The following LMTK2 variants were observed in gnomAD, a reference collection of about 807,000 sequenced individuals.
LMTK2 encodes lemur tail kinase 2, also known as serine/threonine-protein kinase LMTK2.
Under a neutral mutation model 127.5 loss-of-function variants are expected in LMTK2, and 37 were observed. The observed-to-expected ratio is 0.29, with a 90% CI of 0.22 to 0.38. LMTK2 has a LOEUF of 0.38. Among genes scored for constraint, LMTK2 ranks in the 10% least tolerant of loss-of-function variants. The probability of loss-of-function intolerance (pLI) is 1.00; values close to 1 mark genes in which losing one functional copy is unlikely to be tolerated. For synonymous variants in LMTK2, 819 were observed against 810.1 expected, an observed-to-expected ratio of 1.01 and a Z score of -0.19; for missense variants, 1,694 against 1,920.3, an observed-to-expected ratio of 0.88 and a Z score of 2.20.
intron 1 of LMTK2, among the ~76,000 whole-genome samples, chr7:98,125,785 C>T (rs1347579359): frequency 6.6e-6 from 1 of 152,154 alleles, no homozygotes; most frequent in Non-Finnish European, 1.5e-5. Context: ...ACTGTTGTAA[C>T]CAGTTTCTGA....
At chr7:98,202,523 C>A (rs1008337062) in intron 11 of LMTK2, among the ~76,000 whole-genome samples, 2 of 152,144 alleles carry the variant, frequency 1.3e-5, no homozygotes, top group African/African-American at 4.8e-5. Flanking sequence ...GCAGTCTGTG[C>A]CATGTGTAAA....
intron 1 of LMTK2, among the ~76,000 whole-genome samples, chr7:98,129,562 C>T (rs1158961533): frequency 6.6e-6 from 1 of 151,750 alleles, no homozygotes; most frequent in Non-Finnish European, 1.5e-5. Flanking sequence ...GATGATGTCT[C>T]ACTATGTTGC....
At chr7:98,135,371 G>A (rs1796582300) in intron 1 of LMTK2, among the ~76,000 whole-genome samples, 1 of 152,038 alleles carries the variant, frequency 6.6e-6, no homozygotes, top group Non-Finnish European at 1.5e-5. Flanking sequence ...GGAGTGCAGT[G>A]ATGTGCTCAC....
intron 9 of LMTK2, among the ~76,000 whole-genome samples, chr7:98,189,512 G>A (rs1238671711): frequency 1.3e-5 from 2 of 152,192 alleles, no homozygotes; most frequent in African/African-American, 2.4e-5. Flanking sequence ...GCCACACCTG[G>A]ATCTACCAAC....
chr7:98,120,524 A>C (rs1339755668), intron 1 of LMTK2, among the ~76,000 whole-genome samples: 2 of 152,204 alleles, frequency 1.3e-5, no homozygotes, highest in South Asian at 4.1e-4. Flanking sequence ...TTACTGCAAA[A>C]CTAAAGTGTT....
chr7:98,127,849 A>G (rs2116342087), intron 1 of LMTK2, among the ~76,000 whole-genome samples: 1 of 152,220 alleles, frequency 6.6e-6, no homozygotes, highest in East Asian at 1.9e-4. Flanking sequence ...ACACTTAAAA[A>G]TAAAAAATTA....
At chr7:98,175,555 G>C (rs73151148) in intron 7 of LMTK2, among the ~76,000 whole-genome samples, 55 of 152,350 alleles carry the variant, frequency 3.6e-4, no homozygotes, top group Non-Finnish European at 6.3e-4. Context: ...TTGCACCTCA[G>C]CTTAGGCTGG....
chr7:98,112,070 A>T (rs1338400624), intron 1 of LMTK2, among the ~76,000 whole-genome samples: 3 of 152,364 alleles, frequency 2.0e-5, no homozygotes, highest in Admixed American at 6.5e-5. Flanking sequence ...TCTTGATCTT[A>T]AACACAATTG....
intron 7 of LMTK2, among the ~76,000 whole-genome samples, chr7:98,174,330 A>C (rs1797244123): frequency 6.6e-6 from 1 of 152,194 alleles, no homozygotes; most frequent in African/African-American, 2.4e-5. Context: ...TTTGGAAACT[A>C]ATCTAGTAAG....
chr7:98,133,119 T>C (rs1423687692), intron 1 of LMTK2, among the ~76,000 whole-genome samples: 1 of 152,198 alleles, frequency 6.6e-6, no homozygotes, highest in African/African-American at 2.4e-5. Flanking sequence ...TGCCGGGTGT[T>C]TTTTAATCAG....
chr7:98,133,008 T>A (rs1796545383), intron 1 of LMTK2, among the ~76,000 whole-genome samples: 1 of 152,266 alleles, frequency 6.6e-6, no homozygotes, highest in South Asian at 2.1e-4. Context: ...ACCTACCTCT[T>A]AGAGTTTCTC....
At chr7:98,159,466 G>A (rs879379849) in intron 6 of LMTK2, 41 bp downstream of exon 6, 2 of 1,356,870 alleles carry the variant, frequency 1.5e-6, no homozygotes, top group African/African-American at 1.4e-5. Context: ...TATTCCAGAG[G>A]TTGTATTCAA....
rs112099954 is a variant in LMTK2, at chr7:98,187,814, C to T, written c.998+816C>T. ...GAGATGGAGTTTTGCCATGGCTGGT[C>T]TCGAACTCCTGAACTCAAGTGATCC... On this transcript the variant is annotated intron_variant, in intron 9 of 13. Coordinates refer to ENST00000297293, the MANE Select transcript of LMTK2 (RefSeq NM_014916.4). Among the ~76,000 whole-genome samples, 55 of 152,148 alleles carry T rather than the reference C, an allele frequency of 3.6e-4. 1 individual carries two copies. The highest frequency in any genetic ancestry group is 1.3e-3 in the African/African-American group (52 of 41,510).
intron 4 of LMTK2, among the ~76,000 whole-genome samples, chr7:98,154,457 G>T (rs1208564337): frequency 6.6e-6 from 1 of 152,204 alleles, no homozygotes; most frequent in Non-Finnish European, 1.5e-5. Context: ...TTTCCTTGAA[G>T]TAGAATACAT....
At chr7:98,117,636 G>T (rs947254821) in intron 1 of LMTK2, among the ~76,000 whole-genome samples, 2 of 152,066 alleles carry the variant, frequency 1.3e-5, no homozygotes, top group African/African-American at 4.8e-5. Flanking sequence ...TTTTCTTCAA[G>T]GAGCTCTGGT....
chr7:98,138,921 G>A (rs1354828818), intron 2 of LMTK2, among the ~76,000 whole-genome samples: 3 of 152,200 alleles, frequency 2.0e-5, no homozygotes, highest in African/African-American at 4.8e-5. Flanking sequence ...TCCAGCTCTA[G>A]AGTCTGTGTG....
chr7:98,138,321 C>G (rs1232439630), intron 2 of LMTK2, among the ~76,000 whole-genome samples: 2 of 152,148 alleles, frequency 1.3e-5, no homozygotes, highest in African/African-American at 4.8e-5. Context: ...CCTTGTTTTC[C>G]CTGGACATGG....
At chr7:98,197,682 T>C (rs753690890) in intron 11 of LMTK2, among the ~76,000 whole-genome samples, 8 of 151,798 alleles carry the variant, frequency 5.3e-5, no homozygotes, top group Non-Finnish European at 1.0e-4. Flanking sequence ...TAAGAACCGA[T>C]TTTTAAAAAA....
chr7:98,180,226 CAT>C (rs753869728), intron 7 of LMTK2, among the ~76,000 whole-genome samples: 10 of 152,192 alleles, frequency 6.6e-5, no homozygotes, highest in South Asian at 2.1e-4. Flanking sequence ...GTATTTCAGA[CAT>C]GTGAGCTTTG....
Sources: gnomAD v4.1 joint callset for allele counts (sites outside exome capture counted in the v4.1 genomes callset) on GRCh38, gnomAD v4.1.1 for gene constraint, MANE v1.5 for transcripts, NCBI Gene and HGNC (gene_info 2026-07-23, HGNC 2026-07-21) for gene names.